The following NTRK1 variants were observed in gnomAD, a reference collection of about 807,000 sequenced individuals.
NTRK1 encodes the protein neurotrophic receptor tyrosine kinase 1.
In NTRK1, 62 loss-of-function variants were observed where a neutral mutation model predicts 86.8. The observed-to-expected ratio is 0.71, with a 90% CI of 0.58 to 0.88. The LOEUF (loss-of-function observed/expected upper bound fraction) is 0.88, where lower values mean the gene tolerates loss of function less well. Ranked by LOEUF, NTRK1 falls within the 40% of genes least tolerant of loss-of-function variation. The probability of loss-of-function intolerance (pLI) is 0.00; values close to 1 mark genes in which losing one functional copy is unlikely to be tolerated. For synonymous variants in NTRK1, 469 were observed against 456.6 expected (o/e 1.03, Z -0.35); for missense variants, 967 against 1,078.4 (o/e 0.90, Z 1.45).
upstream of NTRK1, among the ~76,000 whole-genome samples, chr1:156,858,365 T>C (rs1341768889): frequency 6.6e-6 from 1 of 152,140 alleles, no homozygotes; most frequent in African/African-American, 2.4e-5. Context: ...AAAACACCTT[T>C]ATGTGGGGAA....
intron 2 of NTRK1, chr1:156,845,732 GC>G: frequency 1.2e-6 from 2 of 1,613,832 alleles, no homozygotes; most frequent in Non-Finnish European, 1.7e-6. Context: ...GGCAAGGGCA[GC>G]AGTCGGACTC....
At chr1:156,836,406 A>G (rs1654601110) in intron 1 of NTRK1, among the ~76,000 whole-genome samples, 1 of 151,940 alleles carries the variant, frequency 6.6e-6, no homozygotes, top group South Asian at 2.1e-4. Context: ...TTCTCTCCTC[A>G]TGACCTACCT....
At position 156,865,325 on chromosome 1, in the gene NTRK1, G is replaced by A. The variant is rs996672574; in HGVS notation, c.359+526G>A. 4.6e-5 allele frequency among the ~76,000 whole-genome samples: 7 copies of A among 152,164 alleles called. No individual in the cohort carries two copies. The East Asian group carries it at 7.7e-4, about 17-fold the overall frequency. On this transcript the variant is annotated intron_variant, in intron 3 of 16. Transcript: ENST00000524377. ...AAGACAATTTTACCACGGATGGTGC[G>A]GGAGGAGAGGATGATTTCAGGACGA... is the stretch of plus-strand genomic sequence containing the variant.
chr1:156,879,700 C>T (rs900391175), intron 15 of NTRK1, among the ~76,000 whole-genome samples: 2 of 152,124 alleles, frequency 1.3e-5, no homozygotes, highest in South Asian at 4.1e-4. Context: ...ACCTCTGACT[C>T]CCTGGTTCAA....
chr1:156,876,049 G>C (rs747815041), intron 12 of NTRK1, 31 bp from the exon 13 acceptor site: 5 of 1,614,112 alleles, frequency 3.1e-6, no homozygotes, highest in Non-Finnish European at 4.2e-6. Flanking sequence ...CCAAGACTGG[G>C]GCTACCGTCT....
chr1:156,853,242 T>C (rs1291127449), intron 2 of NTRK1, among the ~76,000 whole-genome samples: 2 of 152,192 alleles, frequency 1.3e-5, no homozygotes, highest in East Asian at 1.9e-4. Flanking sequence ...ATCACTGTGC[T>C]GTGGCCACTC....
rs969556515 is a variant in NTRK1, at chr1:156,843,338, C to T, written c.50+1145C>T. 1.9e-6 allele frequency: 3 copies of T among 1,572,940 alleles called. No homozygotes were observed. In the African/African-American group the frequency reaches 4.1e-5, roughly 21 times the overall value. On this transcript the variant is annotated intron_variant, in intron 2 of 16. Coordinates refer to the NTRK1 transcript ENST00000392302. ...TGAAGGGCTCTTGTCCCAAGGCTAT[C>T]TTCTGCAAGAAGGTCTTCTGGAAGT...
chr1:156,869,817 A>G (rs1441883027), intron 6 of NTRK1, among the ~76,000 whole-genome samples: 4 of 152,328 alleles, frequency 2.6e-5, no homozygotes, highest in East Asian at 1.9e-4. Context: ...GACGAGGTCA[A>G]CGGCAGCTGA....
chr1:156,880,499 C>A, intron 16 of NTRK1: 1 of 326,672 alleles, frequency 3.1e-6, no homozygotes, highest in South Asian at 3.5e-5. Context: ...GAAGAGGAAC[C>A]CAGCACAAGA....
At chr1:156,846,027 G>A in intron 2 of NTRK1, 2 of 1,614,178 alleles carry the variant, frequency 1.2e-6, no homozygotes, top group Non-Finnish European at 1.7e-6. Flanking sequence ...TAGTAGGTGA[G>A]GTTCCCATTG....
intron 1 of NTRK1, among the ~76,000 whole-genome samples, chr1:156,831,757 G>T (rs1266606867): frequency 6.6e-6 from 1 of 152,226 alleles, no homozygotes; most frequent in Non-Finnish European, 1.5e-5. Context: ...GGATGTGAGG[G>T]TTAGGGCAGA....
At chr1:156,851,575 A>G in intron 2 of NTRK1, 1 of 1,611,526 alleles carries the variant, frequency 6.2e-7, no homozygotes, top group South Asian at 1.1e-5. Flanking sequence ...GAGTTGGGTC[A>G]TTGTAAGGGT....
At chr1:156,860,183 T>C (rs1401596025), upstream of NTRK1, among the ~76,000 whole-genome samples, 1 of 152,138 alleles carries the variant, frequency 6.6e-6, no homozygotes, top group Non-Finnish European at 1.5e-5. Context: ...GAGGCGTTGC[T>C]CACTGGGGGC....
chr1:156,879,117 CA>C lies in NTRK1; in HGVS notation c.1806-4del, dbSNP rs1799770. On this transcript the variant is annotated splice_region_variant and splice_polypyrimidine_tract_variant and intron_variant, in intron 14 of 16. Coordinates refer to ENST00000524377, the MANE Select transcript of NTRK1 (RefSeq NM_002529.4). ...GCCTATCCCCTCTCCTTTTCTTGTT[CA>C]CAGATCCCATGGACCTGATGCCAAG... is the stretch of plus-strand genomic sequence containing the variant. The C allele has an allele frequency of 0.054, 86,889 of 1,613,498 alleles. 3,040 individuals are homozygous for C. The highest frequency in any genetic ancestry group is 0.14 in the South Asian group (12,483 of 91,032).
chr1:156,874,768 G>A (rs2102911152), intron 10 of NTRK1, 138 bp from the exon 11 acceptor site: 2 of 1,169,360 alleles, frequency 1.7e-6, no homozygotes, highest in Non-Finnish European at 1.3e-6. Context: ...AGCCACTGCA[G>A]GGGTCCCCAG....
intron 2 of NTRK1, chr1:156,848,855 T>C (rs11590051): frequency 0.19 from 291,061 of 1,519,428 alleles, 30,033 homozygotes; most frequent in Non-Finnish European, 0.21. Flanking sequence ...CTCACCTGCC[T>C]GTGGTCCCGA....
intron 16 of NTRK1, 22 bp downstream of exon 16, chr1:156,880,179 C>A (rs1231996166): frequency 1.9e-6 from 3 of 1,611,968 alleles, no homozygotes; most frequent in African/African-American, 2.7e-5. Flanking sequence ...CCCATGGTCA[C>A]CCCTTGCTGG....
chr1:156,874,277 T>A (rs1647757727), intron 8 of NTRK1, 106 bp from the exon 9 acceptor site: 1 of 1,535,814 alleles, frequency 6.5e-7, no homozygotes, highest in East Asian at 2.2e-5. Flanking sequence ...CCTCGTCCCA[T>A]GAAGGAATGA....
intron 4 of NTRK1, 56 bp from the exon 5 acceptor site, chr1:156,868,048 C>T (rs1241954772): frequency 2.2e-5 from 36 of 1,605,690 alleles, no homozygotes; most frequent in Middle Eastern, 1.7e-4. Flanking sequence ...CCTCTTATCC[C>T]CTGTGATCCC....
Sources: gnomAD v4.1 joint callset for allele counts (sites outside exome capture counted in the v4.1 genomes callset) on GRCh38, gnomAD v4.1.1 for gene constraint, MANE v1.5 for transcripts, NCBI Gene and HGNC (gene_info 2026-07-23, HGNC 2026-07-21) for gene names.